Variants in DENND4C observed in about 807,000 individuals in gnomAD.
DENND4C encodes the protein DENN domain-containing protein 4C.
DENND4C carries 108 observed loss-of-function variants against 203.0 expected under a neutral mutation model. The observed-to-expected ratio is 0.53, with a 90% CI of 0.46 to 0.62. The LOEUF (loss-of-function observed/expected upper bound fraction) is 0.62, where lower values mean the gene tolerates loss of function less well. Among genes scored for constraint, DENND4C ranks in the 20% least tolerant of loss-of-function variants. The pLI is 0.00. For missense variants in DENND4C, 2,481 were observed against 2,301.2 expected, an observed-to-expected ratio of 1.08 and a Z score of -1.60; for synonymous variants, 871 against 792.4, an observed-to-expected ratio of 1.10 and a Z score of -1.67.
At chr9:19,331,520 G>C (rs1819174397) in intron 16 of DENND4C, among the ~76,000 whole-genome samples, 1 of 152,058 alleles carries the variant, frequency 6.6e-6, no homozygotes, top group Non-Finnish European at 1.5e-5. Flanking sequence ...TCTTTTTTAA[G>C]GAGTCTGTCA....
chr9:19,308,113 T>G (rs1406809658), intron 10 of DENND4C, among the ~76,000 whole-genome samples: 3 of 152,194 alleles, frequency 2.0e-5, no homozygotes, highest in Admixed American at 2.0e-4. Context: ...GACATCTAGG[T>G]TGTATCTAGA....
chr9:19,277,774 A>G (rs1277979642), intron 2 of DENND4C, among the ~76,000 whole-genome samples: 2 of 152,174 alleles, frequency 1.3e-5, no homozygotes, highest in African/African-American at 4.8e-5. Context: ...ACTATTGAGT[A>G]TGATGTTAAC....
chr9:19,276,272 A>T lies in DENND4C; in HGVS notation c.98A>T (p.Asp33Val). The T allele has an allele frequency of 8.1e-7, 1 of 1,232,098 alleles. No homozygotes were observed. The highest frequency in any genetic ancestry group is 1.0e-6 in the Non-Finnish European group (1 of 987,904). 76.3% of individuals were successfully genotyped at this position (1,232,098 alleles called of 1,614,324 possible). The change falls in exon 2 of 33, where the codon GAT becomes GTT. Residue 33 changes from aspartate (D) to valine (V), a missense_variant. By Grantham distance (152) the Asp-to-Val change is radical. Around this residue, in one of 3 missense-constraint regions of DENND4C, gnomAD observed 187 missense variants for 167.4 expected, o/e 1.12. Transcript: ENST00000434457. ...TTGGATCAAGAAATAAATCGTTTAGATACTAAGTCAACTGGACCTAAAGCT... is the reference window on the plus strand; with the variant it reads ...TTGGATCAAGAAATAAATCGTTTAGTTACTAAGTCAACTGGACCTAAAGCT... ...TLLDQEINRL[D>V]TKSTGPKAPI... is the part of the protein sequence containing the mutation.
In DENND4C at chr9:19,373,680, C is replaced by T. The variant is rs1376635080; in HGVS notation, c.*1507C>T. On this transcript the variant is annotated 3_prime_UTR_variant, in exon 33 of 33. Coordinates refer to ENST00000434457, the MANE Select transcript of DENND4C (RefSeq NM_001330640.2). ...ATCATGCCTTTTATTAAAAATATCC[C>T]TTAGGAACAGTAAGTTTGCCTTAAC... The T allele has an allele frequency of 6.6e-6, 1 of 152,536 alleles. No individual in the cohort carries two copies. Among genetic ancestry groups the T allele is most frequent in the Non-Finnish European group, 1.5e-5 (1 of 68,016 alleles). The allele number at this position is 152,536 out of a possible 1,614,324, so 9.4% of individuals were successfully genotyped here. A position where few individuals can be genotyped will look rare whatever the true frequency, so the allele number is the denominator to read the frequency against.
intron 1 of DENND4C, among the ~76,000 whole-genome samples, chr9:19,235,555 A>T (rs1367891002): frequency 6.6e-6 from 1 of 150,388 alleles, no homozygotes; most frequent in East Asian, 1.9e-4. Flanking sequence ...TTTCATTCAA[A>T]CCTAATTATC....
intron 10 of DENND4C, among the ~76,000 whole-genome samples, chr9:19,311,427 C>T (rs1198228761): frequency 1.3e-5 from 2 of 152,088 alleles, no homozygotes; most frequent in Non-Finnish European, 2.9e-5. Context: ...CGCCTGGCCC[C>T]CACAAAGTTT....
chr9:19,365,280 ATAGAG>A (rs1482655561), intron 30 of DENND4C, among the ~76,000 whole-genome samples: 5 of 152,194 alleles, frequency 3.3e-5, no homozygotes, highest in East Asian at 3.8e-4. Flanking sequence ...TATACTATCA[ATAGAG>A]TAAAGGACAA....
Position 19,300,150 on chromosome 9 carries a change from G to T in DENND4C, c.1167-37G>T, listed in dbSNP as rs754649585. 1.9e-6 allele frequency: 3 copies of T among 1,562,346 alleles called. No individual in the cohort carries two copies. The East Asian group carries it at 6.8e-5, about 36-fold the overall frequency. On this transcript the variant is annotated intron_variant, in intron 8 of 32. Transcript: ENST00000434457. The stretch of plus-strand genomic sequence containing the variant: ...AATCTTAACATATTTCAGCAAAATA[G>T]TTCACAATGATCTACTTTTCTCTTT...
At chr9:19,334,517 G>GT (rs779496979) in intron 17 of DENND4C, among the ~76,000 whole-genome samples, 2,290 of 134,846 alleles carry the variant, frequency 0.017, 14 homozygotes, top group Non-Finnish European at 0.021. Context: ...TTGTTTTTGG[G>GT]TTTTTTTTTT....
chr9:19,370,540 G>C (rs1248636438), intron 31 of DENND4C, among the ~76,000 whole-genome samples: 4 of 151,844 alleles, frequency 2.6e-5, no homozygotes, highest in Non-Finnish European at 5.9e-5. Flanking sequence ...AAACATTACT[G>C]CTGTTTGCTG....
intron 1 of DENND4C, among the ~76,000 whole-genome samples, chr9:19,245,742 G>A (rs1825060248): frequency 6.6e-6 from 1 of 151,884 alleles, no homozygotes; most frequent in Non-Finnish European, 1.5e-5. Flanking sequence ...TGTAATCCCA[G>A]CTACTCAGAA....
At chr9:19,266,496 C>G (rs532774824) in intron 1 of DENND4C, among the ~76,000 whole-genome samples, 1 of 152,110 alleles carries the variant, frequency 6.6e-6, no homozygotes, top group Middle Eastern at 3.4e-3. Context: ...GCTTTTGTTG[C>G]AAAAAACAGG....
chr9:19,297,989 A>G, intron 6 of DENND4C, 67 bp from the exon 7 acceptor site: 1 of 1,270,030 alleles, frequency 7.9e-7, no homozygotes, highest in Non-Finnish European at 1.1e-6. Flanking sequence ...GATATTTAAG[A>G]TTTGTTAAAA....
In DENND4C at chr9:19,273,386, G is replaced by C. The variant is rs989586612; in HGVS notation, c.-17-2772G>C. Among the ~76,000 whole-genome samples the C allele has an allele frequency of 9.4e-4, 143 of 152,072 alleles. 1 individual carries two copies. Among genetic ancestry groups the C allele is most frequent in the African/African-American group, 3.4e-3 (141 of 41,376 alleles). Reference sequence around the variant, plus strand: ...TAGGTGTAAGCCACCACGCTTGGCTGACATGATTTCTTACGACATCGCAAG... The same window carrying C: ...TAGGTGTAAGCCACCACGCTTGGCTCACATGATTTCTTACGACATCGCAAG... On this transcript the variant is annotated intron_variant, in intron 1 of 32. Transcript: ENST00000434457.
intron 10 of DENND4C, among the ~76,000 whole-genome samples, chr9:19,312,600 G>C (rs141178609): frequency 2.0e-3 from 299 of 152,324 alleles, no homozygotes; most frequent in African/African-American, 6.7e-3. Context: ...TGGAACAAGG[G>C]TGTGTGTATG....
At chr9:19,310,540 C>G (rs1177948246) in intron 10 of DENND4C, among the ~76,000 whole-genome samples, 3 of 152,186 alleles carry the variant, frequency 2.0e-5, no homozygotes, top group African/African-American at 7.2e-5. Context: ...AAAATATTTA[C>G]TGTCTGGTTC....
intron 6 of DENND4C, among the ~76,000 whole-genome samples, chr9:19,297,046 T>C (rs1284543611): frequency 6.6e-6 from 1 of 152,238 alleles, no homozygotes; most frequent in Non-Finnish European, 1.5e-5. Context: ...GTTGAGCTAC[T>C]CTTTTTTAAA....
In DENND4C at chr9:19,276,287, G is replaced by A. The variant is rs1288795721; in HGVS notation, c.113G>A (p.Gly38Glu). Residue 38 changes from glycine (G) to glutamate (E), a missense_variant, in exon 2 of 33, where the codon GGA becomes GAA. Physicochemically the swap from Gly to Glu is moderately conservative, Grantham distance 98 (BLOSUM62 -2). This residue lies in a region of DENND4C where 187 missense variants were observed against 167.4 expected (regional missense o/e 1.12). Transcript: ENST00000434457. ...EINRLDTKST[G>E]PKAPITDIAI... ...AATCGTTTAGATACTAAGTCAACTG[G>A]ACCTAAAGCTCCAATTACAGACATT... The A allele has an allele frequency of 1.6e-6, 2 of 1,231,898 alleles. No individual in the cohort carries two copies. Among genetic ancestry groups the A allele is most frequent in the Non-Finnish European group, 2.0e-6 (2 of 987,894 alleles). The allele number at this position is 1,231,898 out of a possible 1,614,324, so 76.3% of individuals were successfully genotyped here. A position where few individuals can be genotyped will look rare whatever the true frequency, so the allele number is the denominator to read the frequency against.
chr9:19,270,947 G>C (rs1564105137), intron 1 of DENND4C, among the ~76,000 whole-genome samples: 1 of 152,006 alleles, frequency 6.6e-6, no homozygotes, highest in Non-Finnish European at 1.5e-5. Flanking sequence ...ATGAATAATT[G>C]AATTAAAAAT....
Sources: allele counts gnomAD v4.1 joint callset (sites outside exome capture counted in the v4.1 genomes callset), GRCh38; gene constraint gnomAD v4.1.1; regional missense constraint gnomAD v4.1.1; transcripts MANE v1.5; gene names NCBI Gene and HGNC (gene_info 2026-07-23, HGNC 2026-07-21).